Variants in CDH3 observed in about 807,000 individuals in gnomAD.
The protein encoded by CDH3 is cadherin 3, also known as cadherin-3.
Under a neutral mutation model 82.0 loss-of-function variants are expected in CDH3, and 54 were observed. The ratio of observed to expected loss-of-function variants is 0.66; its 90% CI spans 0.53 to 0.83. The LOEUF is 0.83. Among genes scored for constraint, CDH3 ranks in the 40% least tolerant of loss-of-function variants. The pLI is 0.00. For missense variants in CDH3, 1,054 were observed against 1,084.6 expected (o/e 0.97, Z 0.40); for synonymous variants, 446 against 437.9 (o/e 1.02, Z -0.23).
intron 1 of CDH3, among the ~76,000 whole-genome samples, chr16:68,706,397 C>G (rs1364634197): frequency 6.6e-6 from 1 of 152,054 alleles, no homozygotes; most frequent in Non-Finnish European, 1.5e-5. Flanking sequence ...ACCCATGTGT[C>G]CCAGCTCCCT....
intron 2 of CDH3, among the ~76,000 whole-genome samples, chr16:68,670,933 CGTG>C (rs1956200850): frequency 6.6e-6 from 1 of 152,022 alleles, no homozygotes; most frequent in African/African-American, 2.4e-5. Context: ...ATTAGCTGGG[CGTG>C]GTGGTGCACT....
rs1157209889 is a variant in CDH3, at chr16:68,691,702, A to G, written c.1796-18A>G. 1.2e-6 allele frequency: 2 copies of G among 1,602,094 alleles called. No individual in the cohort carries two copies. Among genetic ancestry groups the G allele is most frequent in the African/African-American group, 1.3e-5 (1 of 74,682 alleles). ...CACTGATGGTTCCCACAGCTAATCA[A>G]TGATCTGTTCACTCCAGGTGACACA... On this transcript the variant is annotated intron_variant, in intron 12 of 15. Transcript: ENST00000264012.
chr16:68,678,796 CA>C lies in CDH3; in HGVS notation c.582del (p.Val195TrpfsTer5). 2.5e-6 allele frequency: 4 copies of C among 1,614,160 alleles called. No homozygotes were observed. The highest frequency in any genetic ancestry group is 3.4e-6 in the Non-Finnish European group (4 of 1,180,020). On this transcript the variant is annotated frameshift_variant, in exon 6 of 16. Coordinates refer to ENST00000264012, the MANE Select transcript of CDH3 (RefSeq NM_001793.6). LOFTEE classifies it high-confidence loss of function. ...CACGCTGTGTCAGAGAATGGTGCCT[CA>C]GTGGAGGACCCCATGAACATCTCCA... ...FGHAVSENGA[S>X]VEDPMNISII...
the CDH3 span, among the ~76,000 whole-genome samples, chr16:68,733,699 G>A: frequency 1.3e-5 from 2 of 152,180 alleles, no homozygotes; most frequent in Admixed American, 6.5e-5. Flanking sequence ...CCGAGATCGC[G>A]CCATTGCACT....
rs903700827 is a variant in CDH3, at chr16:68,723,799, G to T, written c.*45+1183G>T. On this transcript the variant is annotated intron_variant, in intron 2 of 2. Coordinates refer to the CDH3 transcript ENST00000569080. ...TTAGCCGGGTGTGAGGCCGGGCGCG[G>T]TGGCTCACGCCTGTAATCCCAGCAC... is the stretch of plus-strand genomic sequence containing the variant. Among the ~76,000 whole-genome samples the T allele has an allele frequency of 7.2e-5, 11 of 152,212 alleles. 1 individual carries two copies. Among genetic ancestry groups the T allele is most frequent in the African/African-American group, 2.7e-4 (11 of 41,448 alleles).
At chr16:68,657,333 G>A (rs558275386) in intron 2 of CDH3, among the ~76,000 whole-genome samples, 20 of 152,244 alleles carry the variant, frequency 1.3e-4, no homozygotes, top group African/African-American at 4.8e-4. Flanking sequence ...GGCCAACATG[G>A]TGAAACCCTG....
intron 2 of CDH3, among the ~76,000 whole-genome samples, chr16:68,673,547 C>G (rs1960948172): frequency 6.6e-6 from 1 of 151,492 alleles, no homozygotes; most frequent in African/African-American, 2.4e-5. Flanking sequence ...CAGCTTCAAA[C>G]TCATGGGCTC....
downstream of CDH3, among the ~76,000 whole-genome samples, chr16:68,703,511 C>T (rs2152109046): frequency 6.6e-6 from 1 of 152,340 alleles, no homozygotes; most frequent in Admixed American, 6.5e-5. Context: ...GAACGACTCC[C>T]TCCAGGCTAA....
At chr16:68,675,837 T>C (rs1227526777) in intron 2 of CDH3, among the ~76,000 whole-genome samples, 1 of 151,400 alleles carries the variant, frequency 6.6e-6, no homozygotes, top group Non-Finnish European at 1.5e-5. Flanking sequence ...GGATAATACC[T>C]ACCTTGGTAT....
intron 2 of CDH3, among the ~76,000 whole-genome samples, chr16:68,646,475 C>T (rs1214628204): frequency 6.6e-6 from 1 of 151,206 alleles, no homozygotes; most frequent in Non-Finnish European, 1.5e-5. Flanking sequence ...GAGATCAAAG[C>T]ACATTTTTGA....
intron 2 of CDH3, among the ~76,000 whole-genome samples, chr16:68,669,951 TA>T (rs947499446): frequency 1.3e-5 from 2 of 151,728 alleles, no homozygotes; most frequent in Admixed American, 1.3e-4. Context: ...ACCCTGTATC[TA>T]CCAAAAAAAT....
At chr16:68,648,216 C>A (rs1219421832) in intron 2 of CDH3, among the ~76,000 whole-genome samples, 1 of 152,224 alleles carries the variant, frequency 6.6e-6, no homozygotes, top group East Asian at 1.9e-4. Context: ...CTAAGCCAAA[C>A]AGCTCATGAA....
intron 2 of CDH3, 197 bp downstream of exon 2, chr16:68,645,947 C>T: frequency 3.4e-6 from 2 of 591,162 alleles, no homozygotes; most frequent in Non-Finnish European, 3.0e-6. Flanking sequence ...GCGCCTATGA[C>T]ATCCAGCCCC....
rs891759859 is a variant in CDH3 at position 68,707,590 on chromosome 16, C to G, written c.99+11667C>G. ...AGGGCGGTGGCTAAGACAGCAGCCCCTAAAGGCTGCAGATGTGGGAGTGAC... is the reference window on the plus strand; with the variant it reads ...AGGGCGGTGGCTAAGACAGCAGCCCGTAAAGGCTGCAGATGTGGGAGTGAC... On this transcript the variant is annotated intron_variant, in intron 1 of 2. Transcript: ENST00000569080. The surrounding 1 kb of genome is among the most constrained non-coding windows in gnomAD (Gnocchi z 4.5). Among the ~76,000 whole-genome samples, 2 of 152,228 alleles carry G rather than the reference C, an allele frequency of 1.3e-5. No homozygotes were observed. The highest frequency in any genetic ancestry group is 3.9e-4 in the East Asian group (2 of 5,184).
chr16:68,664,869 C>G (rs1006243604), intron 2 of CDH3, among the ~76,000 whole-genome samples: 3 of 151,948 alleles, frequency 2.0e-5, no homozygotes, highest in Admixed American at 1.3e-4. Flanking sequence ...AGGCTGGTCT[C>G]AAACTCCTGG....
At chr16:68,674,967 GC>G (rs1272384887) in intron 2 of CDH3, among the ~76,000 whole-genome samples, 41 of 46,912 alleles carry the variant, frequency 8.7e-4, no homozygotes, top group Non-Finnish European at 1.7e-3. Context: ...ACAAAAATTA[GC>G]TAGGCATGGT....
At chr16:68,685,485 AAGGGGTCTTTCAG>A in intron 11 of CDH3, 135 bp downstream of exon 11, 4 of 911,052 alleles carry the variant, frequency 4.4e-6, no homozygotes, top group Non-Finnish European at 7.0e-6. Flanking sequence ...CAGACGGTCA[AAGGGGTCTTTCAG>A]AGGAGTCTTT....
intron 1 of CDH3, among the ~76,000 whole-genome samples, chr16:68,715,194 G>A (rs1490087066): frequency 6.6e-6 from 1 of 152,070 alleles, no homozygotes; most frequent in Non-Finnish European, 1.5e-5. Flanking sequence ...GGAAGGCTGA[G>A]GTGAGCAGAT....
At chr16:68,665,421 A>C (rs982706022) in intron 2 of CDH3, among the ~76,000 whole-genome samples, 3 of 152,062 alleles carry the variant, frequency 2.0e-5, no homozygotes, top group African/African-American at 7.2e-5. Context: ...TAAATAAATA[A>C]ATATAAAGCA....
Sources: gnomAD v4.1 joint callset for allele counts (sites outside exome capture counted in the v4.1 genomes callset) on GRCh38, gnomAD v4.1.1 for gene constraint, Gnocchi (gnomAD v3.1) non-coding constraint, MANE v1.5 for transcripts, NCBI Gene and HGNC (gene_info 2026-07-23, HGNC 2026-07-21) for gene names.